The following TNR variants were observed in gnomAD, a reference collection of about 807,000 sequenced individuals.
The protein encoded by TNR is tenascin-R.
Under a neutral mutation model 150.4 loss-of-function variants are expected in TNR, and 45 were observed. That is an observed-to-expected ratio of 0.30 (90% CI 0.24 to 0.38). TNR has a LOEUF of 0.38. Among genes scored for constraint, TNR ranks in the 10% least tolerant of loss-of-function variants. TNR has a pLI of 1.00. For missense variants in TNR, 1,544 were observed against 1,759.1 expected, an observed-to-expected ratio of 0.88 and a Z score of 2.19; for synonymous variants, 687 against 678.4, an observed-to-expected ratio of 1.01 and a Z score of -0.20.
intron 18 of TNR, among the ~76,000 whole-genome samples, chr1:175,347,474 T>G (rs2101999672): frequency 6.6e-6 from 1 of 152,202 alleles, no homozygotes; most frequent in East Asian, 1.9e-4. Flanking sequence ...GTTGCTCAGG[T>G]TGGAGTGCAG....
chr1:175,538,773 C>G (rs537441061), intron 1 of TNR: 1 of 152,222 alleles, frequency 6.6e-6, no homozygotes, highest in Non-Finnish European at 1.5e-5. Context: ...AGGGAGGAGG[C>G]AGTCAAGACA....
chr1:175,481,006 T>A (rs1489387640), intron 2 of TNR, among the ~76,000 whole-genome samples: 2 of 151,992 alleles, frequency 1.3e-5, no homozygotes, highest in Non-Finnish European at 2.9e-5. Flanking sequence ...TACCAAGGAG[T>A]AATCTGTAAC....
chr1:175,736,575 A>G (rs903011336), intron 1 of TNR, among the ~76,000 whole-genome samples: 1 of 151,542 alleles, frequency 6.6e-6, no homozygotes, highest in Non-Finnish European at 1.5e-5. Flanking sequence ...AGGGAGGGTG[A>G]GGGAAAGAGG....
At chr1:175,612,487 T>C (rs1185076748) in intron 1 of TNR, among the ~76,000 whole-genome samples, 4 of 152,188 alleles carry the variant, frequency 2.6e-5, no homozygotes, top group African/African-American at 4.8e-5. Context: ...CAGGCATCAG[T>C]CAATGGGTCA....
intron 1 of TNR, among the ~76,000 whole-genome samples, chr1:175,570,280 G>T (rs954468272): frequency 6.6e-6 from 1 of 152,160 alleles, no homozygotes; most frequent in Non-Finnish European, 1.5e-5. Flanking sequence ...AGGGTCATTT[G>T]CACAACTCTG....
At position 175,419,583 on chromosome 1, in the gene TNR, G is replaced by A. The variant is rs370008405; in HGVS notation, c.-63-12806C>T. 4.3e-4 allele frequency among the ~76,000 whole-genome samples: 66 copies of A among 152,268 alleles called. 1 individual carries two copies. In the South Asian group the frequency reaches 7.5e-3, roughly 17 times the overall value. ...TGCAACCTCCGCCTCCCGGGTTCAA[G>A]CAATTCTCGTGCCTCAGCCTCCCAA... On this transcript the variant is annotated intron_variant, in intron 2 of 22. Coordinates refer to ENST00000367674, the MANE Select transcript of TNR (RefSeq NM_003285.3).
In TNR at chr1:175,386,063, C is replaced by G. The variant is rs765434839; in HGVS notation, c.1746G>C (p.Glu582Asp). 5 of 1,603,288 alleles carry G rather than the reference C, an allele frequency of 3.1e-6. No homozygotes were observed. The highest frequency in any genetic ancestry group is 1.3e-5 in the African/African-American group (1 of 74,536). ...VSVSAVRGTN[E>D]SDSATTQFTT... is the part of the protein sequence containing the mutation. ...TGAACTGAGTGGTGGCAGAATCGCTCTCGTTGGTCCCTCGGACGGCACTGA... is the reference window on the plus strand; with the variant it reads ...TGAACTGAGTGGTGGCAGAATCGCTGTCGTTGGTCCCTCGGACGGCACTGA... The change falls in exon 8 of 23, where the codon GAG becomes GAC. Residue 582 changes from glutamate to aspartate, a missense_variant. Glu to Asp is a conservative substitution (Grantham distance 45, BLOSUM62 2). This residue lies in a region of TNR where 1,254 missense variants were observed against 1,329.4 expected (regional missense o/e 0.94). Transcript: ENST00000367674.
At chr1:175,722,567 C>T (rs1224867353) in intron 1 of TNR, among the ~76,000 whole-genome samples, 1 of 151,924 alleles carries the variant, frequency 6.6e-6, no homozygotes, top group Non-Finnish European at 1.5e-5. Flanking sequence ...TAGGTTCAAG[C>T]AATCCTCCCA....
chr1:175,469,672 A>C (rs1657197046), intron 2 of TNR, among the ~76,000 whole-genome samples: 2 of 151,720 alleles, frequency 1.3e-5, no homozygotes, highest in South Asian at 4.2e-4. Flanking sequence ...AAGGGATGAG[A>C]GATTGAGAGG....
chr1:175,703,079 A>T (rs1666743949), intron 1 of TNR, among the ~76,000 whole-genome samples: 1 of 151,770 alleles, frequency 6.6e-6, no homozygotes, highest in Non-Finnish European at 1.5e-5. Flanking sequence ...AATGGAAGGG[A>T]GGGAAGACAA....
chr1:175,337,222 C>T (rs1377193021), intron 19 of TNR, among the ~76,000 whole-genome samples: 1 of 152,228 alleles, frequency 6.6e-6, no homozygotes, highest in Non-Finnish European at 1.5e-5. Flanking sequence ...AGATGCATTT[C>T]TCAGCAGGCA....
At chr1:175,444,285 T>C (rs1163555088) in intron 2 of TNR, among the ~76,000 whole-genome samples, 1 of 152,206 alleles carries the variant, frequency 6.6e-6, no homozygotes, top group East Asian at 1.9e-4. Flanking sequence ...AATAGCCTCT[T>C]GATTTCGTGA....
intron 2 of TNR, among the ~76,000 whole-genome samples, chr1:175,453,441 C>T (rs769494202): frequency 1.3e-4 from 19 of 151,918 alleles, no homozygotes; most frequent in African/African-American, 4.4e-4. Flanking sequence ...AAGATGAGCC[C>T]GGAGAGGGGA....
intron 1 of TNR, among the ~76,000 whole-genome samples, chr1:175,674,177 G>C (rs1665788086): frequency 6.6e-6 from 1 of 152,224 alleles, no homozygotes; most frequent in African/African-American, 2.4e-5. Context: ...GATGCAAAGG[G>C]AGGAGTCCTA....
At chr1:175,558,918 C>G (rs1558006081) in intron 1 of TNR, among the ~76,000 whole-genome samples, 1 of 152,232 alleles carries the variant, frequency 6.6e-6, no homozygotes, top group East Asian at 1.9e-4. Context: ...CTAGTGCAAA[C>G]TGTATAATAA....
At chr1:175,414,587 G>A (rs1237686459) in intron 2 of TNR, among the ~76,000 whole-genome samples, 2 of 152,184 alleles carry the variant, frequency 1.3e-5, no homozygotes, top group East Asian at 1.9e-4. Flanking sequence ...CAGCACCAGA[G>A]GTGTCTCCGG....
chr1:175,463,470 A>G (rs1243985738), intron 2 of TNR, among the ~76,000 whole-genome samples: 1 of 152,222 alleles, frequency 6.6e-6, no homozygotes. Flanking sequence ...GTCTTCTCAC[A>G]TTGACAATTC....
intron 2 of TNR, among the ~76,000 whole-genome samples, chr1:175,457,147 G>A (rs911393842): frequency 2.0e-5 from 3 of 152,182 alleles, no homozygotes; most frequent in African/African-American, 4.8e-5. Flanking sequence ...CTTTTCCCCT[G>A]TCTGTGCGAT....
At chr1:175,653,111 T>C (rs1475093610) in intron 1 of TNR, among the ~76,000 whole-genome samples, 3 of 152,192 alleles carry the variant, frequency 2.0e-5, no homozygotes. Context: ...AACAACTGCA[T>C]TGAAATGATG....
Sources: allele counts gnomAD v4.1 joint callset (sites outside exome capture counted in the v4.1 genomes callset), GRCh38; gene constraint gnomAD v4.1.1; regional missense constraint gnomAD v4.1.1; transcripts MANE v1.5; gene names NCBI Gene and HGNC (gene_info 2026-07-23, HGNC 2026-07-21).